The following DOCK5 variants were observed in gnomAD, a reference collection of about 807,000 sequenced individuals.
The protein encoded by DOCK5 is dedicator of cytokinesis protein 5.
Under a neutral mutation model 251.8 loss-of-function variants are expected in DOCK5, and 142 were observed. The ratio of observed to expected loss-of-function variants is 0.56; its 90% CI spans 0.49 to 0.65. The LOEUF (loss-of-function observed/expected upper bound fraction) is 0.65, where lower values mean the gene tolerates loss of function less well. Among genes scored for constraint, DOCK5 ranks in the 30% least tolerant of loss-of-function variants. The pLI is 0.00. For synonymous variants in DOCK5, 842 were observed against 835.5 expected (o/e 1.01, Z -0.13); for missense variants, 2,111 against 2,312.3 (o/e 0.91, Z 1.79).
chr8:25,217,185 G>A (rs1371862016), intron 1 of DOCK5, among the ~76,000 whole-genome samples: 1 of 149,338 alleles, frequency 6.7e-6, no homozygotes, highest in Admixed American at 6.7e-5. Flanking sequence ...GGGAGAGAGA[G>A]AGATATATAT....
In DOCK5 at chr8:25,391,890, C is replaced by T. The variant is rs759834150; in HGVS notation, c.4356-6C>T. Reference sequence around the variant, plus strand: ...AAAAATACAGCATTGCTTTGTCCTTCTCCAGCTACTACAGAGCCAATGAAG... The same window carrying T: ...AAAAATACAGCATTGCTTTGTCCTTTTCCAGCTACTACAGAGCCAATGAAG... On this transcript the variant is annotated splice_region_variant and splice_polypyrimidine_tract_variant and intron_variant, in intron 42 of 51. Coordinates refer to ENST00000276440, the MANE Select transcript of DOCK5 (RefSeq NM_024940.8). The T allele has an allele frequency of 1.9e-6, 3 of 1,613,408 alleles. No homozygotes were observed. Among genetic ancestry groups the T allele is most frequent in the Non-Finnish European group, 2.5e-6 (3 of 1,179,662 alleles).
chr8:25,270,606 A>G (rs946581753), intron 3 of DOCK5, among the ~76,000 whole-genome samples: 3 of 152,340 alleles, frequency 2.0e-5, no homozygotes, highest in Non-Finnish European at 4.4e-5. Context: ...TATGTGATGA[A>G]CTTAAGGAAC....
intron 26 of DOCK5, 112 bp downstream of exon 26, chr8:25,345,723 G>A: frequency 6.9e-7 from 1 of 1,448,870 alleles, no homozygotes; most frequent in Non-Finnish European, 9.4e-7. Context: ...TCCGGTATTA[G>A]GGCAGGCTGT....
Position 25,319,586 on chromosome 8 carries a change from T to A in DOCK5, c.1452T>A (p.Ile484=). ...DEEGKLLEKA[I]HPGAGYEGIS... is the part of the protein sequence containing the mutation. ...TTTCCTTCCATCTGAAGAAAGCAAT[T>A]CACCCTGGTGCTGGATATGAAGGCA... The change falls in exon 15 of 52, where the codon ATT becomes ATA. Residue 484 remains isoleucine, a synonymous_variant. Coordinates refer to ENST00000276440, the MANE Select transcript of DOCK5 (RefSeq NM_024940.8). 1 of 1,577,694 alleles carries A rather than the reference T, an allele frequency of 6.3e-7. No homozygotes were observed. Among genetic ancestry groups the A allele is most frequent in the Non-Finnish European group, 8.6e-7 (1 of 1,160,862 alleles).
chr8:25,213,256 C>T (rs962892309), intron 1 of DOCK5, among the ~76,000 whole-genome samples: 27 of 151,528 alleles, frequency 1.8e-4, no homozygotes, highest in Admixed American at 1.6e-3. Context: ...CAGGATGGGC[C>T]GCAGTGACTT....
Position 25,243,569 on chromosome 8 carries a change from TCCAC to T in DOCK5, c.44-99_44-96del, listed in dbSNP as rs1803013934. 6.8e-6 allele frequency: 7 copies of T among 1,026,182 alleles called. No individual in the cohort carries two copies. In the East Asian group the frequency reaches 1.7e-4, roughly 25 times the overall value. The allele number at this position is 1,026,182 out of a possible 1,614,324, so 63.6% of individuals were successfully genotyped here. The stretch of plus-strand genomic sequence containing the variant: ...TGGTCTTGAACTCCTGACCTCATGA[TCCAC>T]CCACCTCACCCTCTCAAAGTGCTGA... On this transcript the variant is annotated intron_variant, in intron 1 of 51. Transcript: ENST00000276440.
At chr8:25,307,364 C>A (rs1209811486) in intron 11 of DOCK5, among the ~76,000 whole-genome samples, 2 of 152,138 alleles carry the variant, frequency 1.3e-5, no homozygotes. Context: ...GGTGATCCAC[C>A]TGCCTCGGCC....
chr8:25,268,891 A>T lies in DOCK5; in HGVS notation c.168+6A>T. ...TCCAAAATAAATCTAAAAAGGTATGACTTATCATTCACTTTTTAATTTCAT... is the reference window on the plus strand; with the variant it reads ...TCCAAAATAAATCTAAAAAGGTATGTCTTATCATTCACTTTTTAATTTCAT... On this transcript the variant is annotated splice_donor_region_variant and intron_variant, in intron 3 of 51. Coordinates refer to ENST00000276440, the MANE Select transcript of DOCK5 (RefSeq NM_024940.8). 1 of 1,557,396 alleles carries T rather than the reference A, an allele frequency of 6.4e-7. No individual in the cohort carries two copies. Among genetic ancestry groups the T allele is most frequent in the Non-Finnish European group, 8.7e-7 (1 of 1,152,936 alleles).
chr8:25,285,073 A>G (rs763077083), intron 5 of DOCK5, among the ~76,000 whole-genome samples: 8 of 152,208 alleles, frequency 5.3e-5, no homozygotes, highest in Non-Finnish European at 8.8e-5. Flanking sequence ...CCTACTCCTT[A>G]TGGAAAAGAG....
intron 5 of DOCK5, among the ~76,000 whole-genome samples, chr8:25,289,073 A>T (rs1264875776): frequency 6.9e-6 from 1 of 145,970 alleles, no homozygotes; most frequent in Non-Finnish European, 1.5e-5. Flanking sequence ...TTAGGGTTTC[A>T]ACACACTCTG....
intron 4 of DOCK5, chr8:25,277,553 T>G (rs1224927406): frequency 1.3e-5 from 2 of 151,840 alleles, no homozygotes; most frequent in Non-Finnish European, 2.9e-5. Context: ...GGTCAAGATG[T>G]CCTCAAAGCC....
intron 1 of DOCK5, among the ~76,000 whole-genome samples, chr8:25,239,909 A>G (rs1802900427): frequency 6.6e-6 from 1 of 152,258 alleles, no homozygotes; most frequent in Non-Finnish European, 1.5e-5. Context: ...TTTATCAAGG[A>G]GAGGCCACTG....
At chr8:25,404,467 G>A (rs1044303333) in intron 48 of DOCK5, among the ~76,000 whole-genome samples, 2 of 152,066 alleles carry the variant, frequency 1.3e-5, no homozygotes, top group Admixed American at 1.3e-4. Context: ...CGTTATACCT[G>A]TTCAGCATCC....
At chr8:25,311,401 G>A (rs551299410) in intron 13 of DOCK5, among the ~76,000 whole-genome samples, 1 of 151,806 alleles carries the variant, frequency 6.6e-6, no homozygotes, top group Admixed American at 6.6e-5. Context: ...AAATTAGCTG[G>A]GTGTGGTGGC....
At position 25,220,879 on chromosome 8, in the gene DOCK5, C is replaced by T. The variant is rs577749239; in HGVS notation, c.44-22795C>T. ...TTGGCCTCCCAAGGTGCTGGGATTA[C>T]AGGCACGAGCCACTGCGCCTGGCCT... On this transcript the variant is annotated intron_variant, in intron 1 of 51. Transcript: ENST00000276440. Among the ~76,000 whole-genome samples, 143 of 152,288 alleles carry T rather than the reference C, an allele frequency of 9.4e-4. 1 individual carries two copies. Among genetic ancestry groups the T allele is most frequent in the African/African-American group, 3.4e-3 (141 of 41,556 alleles).
rs141436803 is a variant in DOCK5, at chr8:25,392,824, C to G, written c.4469C>G (p.Thr1490Arg). The G allele has an allele frequency of 2.5e-6, 4 of 1,613,130 alleles. No individual in the cohort carries two copies. The highest frequency in any genetic ancestry group is 3.4e-6 in the Non-Finnish European group (4 of 1,179,560). ...ATGTGGATTGAACGGACCACGTATA[C>G]GACTGCATATACCTTTCCTGGGATT... ...ATMWIERTTYTTAYTFPGILK... is the reference protein window; with the variant it reads ...ATMWIERTTYRTAYTFPGILK... Residue 1490 changes from threonine to arginine, a missense_variant, in exon 44 of 52, where the codon ACG (threonine) becomes AGG (arginine). This residue lies in a region of DOCK5 where 1,717 missense variants were observed against 1,892.4 expected (regional missense o/e 0.91). Transcript: ENST00000276440.
At chr8:25,368,848 C>CT in intron 33 of DOCK5, 123 bp downstream of exon 33, 1 of 1,101,062 alleles carries the variant, frequency 9.1e-7, no homozygotes, top group East Asian at 2.8e-5. Context: ...TGAAAGTTCA[C>CT]TTTACATTTC....
chr8:25,254,947 G>A (rs1328111237), intron 2 of DOCK5, among the ~76,000 whole-genome samples: 1 of 152,082 alleles, frequency 6.6e-6, no homozygotes, highest in African/African-American at 2.4e-5. Context: ...ATGTAAGTGT[G>A]TGAAAAGATA....
intron 2 of DOCK5, among the ~76,000 whole-genome samples, chr8:25,247,174 G>A (rs1357774811): frequency 1.3e-5 from 2 of 152,162 alleles, no homozygotes; most frequent in African/African-American, 2.4e-5. Flanking sequence ...GTAGGCATAA[G>A]CCATAGCACC....
Sources: gnomAD v4.1 joint callset for allele counts (sites outside exome capture counted in the v4.1 genomes callset) on GRCh38, gnomAD v4.1.1 for gene constraint, gnomAD v4.1.1 regional missense constraint, MANE v1.5 for transcripts, NCBI Gene and HGNC (gene_info 2026-07-23, HGNC 2026-07-21) for gene names.